NCOR2: variants seen among roughly 807,000 people sequenced by gnomAD.
NCOR2 encodes nuclear receptor corepressor 2.
Under a neutral mutation model 262.9 loss-of-function variants are expected in NCOR2, and 81 were observed. The ratio of observed to expected loss-of-function variants is 0.31; its 90% CI spans 0.26 to 0.37. NCOR2 has a LOEUF of 0.37. NCOR2 is among the 10% of genes least tolerant of loss of function. The pLI is 1.00. For missense variants in NCOR2, 3,385 were observed against 3,621.4 expected, an observed-to-expected ratio of 0.93 and a Z score of 1.68; for synonymous variants, 1,659 against 1,559.3, an observed-to-expected ratio of 1.06 and a Z score of -1.51.
chr12:124,325,377 G>GCCCGGGCC, exon 47 of NCOR2: 1 of 246,788 alleles, frequency 4.1e-6, no homozygotes, highest in Non-Finnish European at 6.6e-6. Flanking sequence ...ACCTGACACC[G>GCCCGGGCC]CCCCCCCCCC....
At chr12:124,370,449 G>A (rs1435337231) in intron 20 of NCOR2, among the ~76,000 whole-genome samples, 4 of 152,108 alleles carry the variant, frequency 2.6e-5, no homozygotes, top group Non-Finnish European at 5.9e-5. Flanking sequence ...CAAGGGCCCC[G>A]CATGACCCTG....
chr12:124,418,576 G>C (rs565330782), intron 13 of NCOR2, among the ~76,000 whole-genome samples: 1 of 152,340 alleles, frequency 6.6e-6, no homozygotes, highest in South Asian at 2.1e-4. Context: ...AACCAGCCTT[G>C]TGGGTGCAAA....
chr12:124,344,962 G>A lies in NCOR2; in HGVS notation c.4360-11C>T. 4 of 1,525,860 alleles carry A rather than the reference G, an allele frequency of 2.6e-6. No individual in the cohort carries two copies. Among genetic ancestry groups the A allele is most frequent in the Non-Finnish European group, 2.6e-6 (3 of 1,133,398 alleles). 94.5% of individuals were successfully genotyped at this position (1,525,860 alleles called of 1,614,324 possible). A position where few individuals can be genotyped will look rare whatever the true frequency, so the allele number is the denominator to read the frequency against. On this transcript the variant is annotated splice_polypyrimidine_tract_variant and intron_variant, in intron 31 of 46. Coordinates refer to ENST00000405201, the Ensembl canonical transcript of NCOR2. ...CTTGAGCGGGGTGCCCTGGGGCAGA[G>A]GGGATGTAAGCTCTAGCCCTGGCCA... is the stretch of plus-strand genomic sequence containing the variant.
In NCOR2 at chr12:124,503,203, C is replaced by T. The variant is rs1283870693; in HGVS notation, c.-117-7835G>A. Among the ~76,000 whole-genome samples the T allele has an allele frequency of 2.6e-5, 4 of 152,256 alleles. No individual in the cohort carries two copies. Among genetic ancestry groups the T allele is most frequent in the African/African-American group, 9.6e-5 (4 of 41,472 alleles). ...TTTCAGCATCTGTTATGTGCAAACA[C>T]TGTACAAGCACAGCTACAGCAGTGA... On this transcript the variant is annotated intron_variant, in intron 1 of 46. Coordinates refer to the NCOR2 transcript ENST00000404621. This position sits in a 1 kb window ranked among gnomAD's most constrained non-coding sequence, Gnocchi z 4.3.
chr12:124,479,428 C>T (rs2047297907), intron 3 of NCOR2, among the ~76,000 whole-genome samples: 1 of 150,164 alleles, frequency 6.7e-6, no homozygotes, highest in African/African-American at 2.4e-5. Context: ...CATGCACGCA[C>T]ACAGGCACAT....
intron 1 of NCOR2, among the ~76,000 whole-genome samples, chr12:124,558,269 C>T (rs1026216933): frequency 2.0e-5 from 3 of 151,208 alleles, no homozygotes; most frequent in African/African-American, 7.3e-5. Flanking sequence ...CCCACCCACC[C>T]CCCCTCCAGA....
At chr12:124,359,841 T>A (rs1006880429) in intron 22 of NCOR2, among the ~76,000 whole-genome samples, 1 of 152,314 alleles carries the variant, frequency 6.6e-6, no homozygotes, top group African/African-American at 2.4e-5. Flanking sequence ...AGGGGCAGAA[T>A]AGGCTGGCTT....
chr12:124,481,475 C>T lies in NCOR2; in HGVS notation c.411+2121G>A, dbSNP rs1416603397. On this transcript the variant is annotated intron_variant, in intron 3 of 46. Transcript: ENST00000405201. This position sits in a 1 kb window ranked among gnomAD's most constrained non-coding sequence, Gnocchi z 4.6. Reference sequence around the variant, plus strand: ...CCCCACAGGGCTAGCCACAGGTCTCCCCTGCCATGCAGGCCCTGGAGGGCA... The same window carrying T: ...CCCCACAGGGCTAGCCACAGGTCTCTCCTGCCATGCAGGCCCTGGAGGGCA... Among the ~76,000 whole-genome samples, 2 of 152,178 alleles carry T rather than the reference C, an allele frequency of 1.3e-5. No individual in the cohort carries two copies. The highest frequency in any genetic ancestry group is 2.1e-4 in the South Asian group (1 of 4,828).
At chr12:124,387,794 G>T (rs886959443) in intron 16 of NCOR2, among the ~76,000 whole-genome samples, 2 of 152,186 alleles carry the variant, frequency 1.3e-5, no homozygotes, top group South Asian at 2.1e-4. Flanking sequence ...CCCAGCCGGG[G>T]CCAAGAGAGC....
intron 1 of NCOR2, among the ~76,000 whole-genome samples, chr12:124,565,271 C>T (rs891286580): frequency 1.3e-5 from 2 of 152,156 alleles, no homozygotes; most frequent in African/African-American, 4.8e-5. Context: ...TGGGCACCGG[C>T]ACCACAGACT....
intron 16 of NCOR2, among the ~76,000 whole-genome samples, chr12:124,386,355 G>A (rs2040807175): frequency 6.6e-6 from 1 of 152,012 alleles, no homozygotes; most frequent in African/African-American, 2.4e-5. Context: ...TTGTTTTCCG[G>A]CCACACCGGC....
At chr12:124,557,300 C>T (rs753764220) in intron 1 of NCOR2, among the ~76,000 whole-genome samples, 19 of 152,174 alleles carry the variant, frequency 1.2e-4, no homozygotes, top group African/African-American at 2.2e-4. Flanking sequence ...TGTCACAGTT[C>T]GGGAGGCCAG....
intron 1 of NCOR2, among the ~76,000 whole-genome samples, chr12:124,510,362 C>A (rs1187733850): frequency 1.3e-5 from 2 of 152,242 alleles, no homozygotes; most frequent in Admixed American, 6.5e-5. Context: ...CCATCTTCCA[C>A]GCCGCTGCCC....
chr12:124,388,789 C>T (rs1339390503), intron 16 of NCOR2: 10 of 1,301,732 alleles, frequency 7.7e-6, no homozygotes, highest in Admixed American at 2.3e-5. Flanking sequence ...TGGGCGGCCG[C>T]GGTCGGCTCT....
intron 43 of NCOR2, 44 bp from the exon 46 acceptor site, chr12:124,330,942 G>C: frequency 6.4e-7 from 1 of 1,555,654 alleles, no homozygotes; most frequent in African/African-American, 1.4e-5. Flanking sequence ...AGGTCTCTGG[G>C]AATTACCTGC....
intron 13 of NCOR2, among the ~76,000 whole-genome samples, chr12:124,413,388 C>T (rs56392808): frequency 0.022 from 3,391 of 152,298 alleles, 101 homozygotes; most frequent in South Asian, 0.1. Flanking sequence ...AAGGTAGAGT[C>T]TGACAACCCT....
intron 6 of NCOR2, among the ~76,000 whole-genome samples, chr12:124,450,890 G>A (rs987992414): frequency 6.6e-6 from 1 of 152,224 alleles, no homozygotes; most frequent in Non-Finnish European, 1.5e-5. Context: ...TAAACTCATA[G>A]GATTTTGTGA....
At chr12:124,402,651 G>A (rs1208784491) in intron 13 of NCOR2, 90 bp from the exon 16 acceptor site, 4 of 1,531,078 alleles carry the variant, frequency 2.6e-6, no homozygotes, top group Admixed American at 3.9e-5. Context: ...AGCCTGAGCT[G>A]GGGGAGGAGG....
At chr12:124,551,414 C>T (rs995079564) in intron 1 of NCOR2, among the ~76,000 whole-genome samples, 6 of 152,352 alleles carry the variant, frequency 3.9e-5, no homozygotes, top group Middle Eastern at 3.4e-3. Context: ...TGCAGCGATA[C>T]ACAGAGGCTC....
Sources: allele counts gnomAD v4.1 joint callset (sites outside exome capture counted in the v4.1 genomes callset), GRCh38; gene constraint gnomAD v4.1.1; non-coding constraint Gnocchi (gnomAD v3.1); transcripts MANE v1.5; gene names NCBI Gene and HGNC (gene_info 2026-07-23, HGNC 2026-07-21).